The following SAV1 variants were observed in gnomAD, a reference collection of about 807,000 sequenced individuals.
The protein encoded by SAV1 is salvador family WW domain containing protein 1.
A neutral mutation model predicts 47.3 loss-of-function variants in SAV1; 23 were observed. The ratio of observed to expected loss-of-function variants is 0.49; its 90% confidence interval spans 0.35 to 0.69. The LOEUF is 0.69. SAV1 is among the 30% of genes least tolerant of loss of function. The pLI, the probability that SAV1 is intolerant of heterozygous loss-of-function variation, is 0.01. For synonymous variants in SAV1, 155 were observed against 159.2 expected (o/e 0.97, Z 0.20); for missense variants, 448 against 457.4 (o/e 0.98, Z 0.19).
At chr14:50,650,076 A>C (rs1476272012) in intron 2 of SAV1, among the ~76,000 whole-genome samples, 1 of 152,270 alleles carries the variant, frequency 6.6e-6, no homozygotes, top group Non-Finnish European at 1.5e-5. Flanking sequence ...AAGAAACTTT[A>C]AAATTAAGGT....
Position 50,634,228 on chromosome 14 carries a change from T to C in SAV1, c.*955A>G, listed in dbSNP as rs2039612734. 1 of 453,398 alleles carries C rather than the reference T, an allele frequency of 2.2e-6. No homozygotes were observed. The highest frequency in any genetic ancestry group is 4.4e-6 in the Non-Finnish European group (1 of 225,288). The allele number at this position is 453,398 out of a possible 1,614,324, so 28.1% of individuals were successfully genotyped here. The stretch of plus-strand genomic sequence containing the variant: ...CTTTGAGTTTCACGCACCTTCCCAA[T>C]ACAGGCTAAGTATTCCTGCTTATAT... On this transcript the variant is annotated 3_prime_UTR_variant, in exon 5 of 5. Transcript: ENST00000324679.
chr14:50,659,042 C>A (rs549885113), intron 2 of SAV1, among the ~76,000 whole-genome samples: 6 of 151,164 alleles, frequency 4.0e-5, no homozygotes, highest in Admixed American at 1.3e-4. Flanking sequence ...GTCTCTCAAG[C>A]TCTCAAGCAG....
intron 1 of SAV1, 140 bp from the exon 2 acceptor site, chr14:50,665,759 A>G (rs990425830): frequency 4.1e-6 from 3 of 723,938 alleles, no homozygotes; most frequent in East Asian, 5.5e-5. Flanking sequence ...TTGGTTTAGG[A>G]TGGTACTTGG....
At chr14:50,667,430 G>C (rs1368334763) in intron 1 of SAV1, 1 of 456,418 alleles carries the variant, frequency 2.2e-6, no homozygotes, top group Non-Finnish European at 4.4e-6. Context: ...CTGCCCCAGA[G>C]TTCGCACAAC....
At chr14:50,635,773 G>C (rs1359170316) in intron 4 of SAV1, among the ~76,000 whole-genome samples, 19 of 152,266 alleles carry the variant, frequency 1.2e-4, no homozygotes, top group Middle Eastern at 3.4e-3. Context: ...GCAGTGGCGT[G>C]ATCTCAGCTC....
At position 50,637,273 on chromosome 14, in the gene SAV1, T is replaced by C. The variant is rs192596449; in HGVS notation, c.951-1889A>G. Reference sequence around the variant, plus strand: ...GGGAAACTCCAACCACTTGTGAACATAAATTAGAGTGATACTGTAAGAAAT... The same window carrying C: ...GGGAAACTCCAACCACTTGTGAACACAAATTAGAGTGATACTGTAAGAAAT... On this transcript the variant is annotated intron_variant, in intron 4 of 4. Transcript: ENST00000324679. Among the ~76,000 whole-genome samples the C allele has an allele frequency of 1.5e-4, 23 of 152,298 alleles. No individual in the cohort carries two copies. In the East Asian group the frequency reaches 4.0e-3, roughly 27 times the overall value.
Position 50,640,843 on chromosome 14 carries a change from G to C in SAV1, c.857C>G (p.Thr286Ser), listed in dbSNP as rs747083851. The C allele has an allele frequency of 1.9e-6, 3 of 1,613,590 alleles. No homozygotes were observed. Among genetic ancestry groups the C allele is most frequent in the African/African-American group, 2.7e-5 (2 of 74,912 alleles). Reference sequence around the variant, plus strand: ...TACCAGAAGGGACTGATTTCTTTCAGTTTGCTGTGGCTGGTATGTGACAGG... The same window carrying C: ...TACCAGAAGGGACTGATTTCTTTCACTTTGCTGTGGCTGGTATGTGACAGG... ...PPPVTYQPQQ[T>S]ERNQSLLVPA... The change falls in exon 4 of 5, where the codon ACT (threonine) becomes AGT (serine). Residue 286 changes from threonine (T) to serine (S), a missense_variant. Physicochemically the swap from Thr to Ser is moderately conservative, Grantham distance 58. Coordinates refer to ENST00000324679, the MANE Select transcript of SAV1 (RefSeq NM_021818.4).
Position 50,637,286 on chromosome 14 carries a change from T to C in SAV1, c.951-1902A>G, listed in dbSNP as rs1047619289. On this transcript the variant is annotated intron_variant, in intron 4 of 4. Coordinates refer to ENST00000324679, the MANE Select transcript of SAV1 (RefSeq NM_021818.4). ...CACTTGTGAACATAAATTAGAGTGA[T>C]ACTGTAAGAAATACTCAATGAGCCT... is the stretch of plus-strand genomic sequence containing the variant. 3.9e-5 allele frequency among the ~76,000 whole-genome samples: 6 copies of C among 152,200 alleles called. No homozygotes were observed. In the East Asian group the frequency reaches 7.7e-4, roughly 19 times the overall value.
chr14:50,651,618 A>T (rs564062265), intron 2 of SAV1, among the ~76,000 whole-genome samples: 1 of 152,122 alleles, frequency 6.6e-6, no homozygotes, highest in Non-Finnish European at 1.5e-5. Flanking sequence ...AATTTTATGT[A>T]TTACTTATTT....
At chr14:50,648,434 C>CTA (rs1484806650) in intron 2 of SAV1, among the ~76,000 whole-genome samples, 2 of 152,152 alleles carry the variant, frequency 1.3e-5, no homozygotes, top group Non-Finnish European at 2.9e-5. Flanking sequence ...GTTAAATTTA[C>CTA]TATACTTTTT....
At chr14:50,649,862 G>A (rs139430724) in intron 2 of SAV1, among the ~76,000 whole-genome samples, 1 of 152,268 alleles carries the variant, frequency 6.6e-6, no homozygotes, top group East Asian at 1.9e-4. Flanking sequence ...TCTCAGAATG[G>A]TCAAAATAAG....
chr14:50,667,824 A>G, intron 1 of SAV1, 50 bp downstream of exon 1: 2 of 1,493,140 alleles, frequency 1.3e-6, no homozygotes, highest in Middle Eastern at 1.7e-4. Context: ...GGGTCCCCGG[A>G]GCACCTGGCC....
chr14:50,650,071 A>C (rs1157238208), intron 2 of SAV1, among the ~76,000 whole-genome samples: 2 of 152,266 alleles, frequency 1.3e-5, no homozygotes, highest in Non-Finnish European at 2.9e-5. Flanking sequence ...TTTAGAAGAA[A>C]CTTTAAAATT....
intron 1 of SAV1, among the ~76,000 whole-genome samples, chr14:50,667,228 G>T (rs977877783): frequency 1.7e-4 from 26 of 152,030 alleles, no homozygotes; most frequent in Admixed American, 3.3e-4. Flanking sequence ...CTTTTCGAGG[G>T]GGGGGTTCTC....
intron 2 of SAV1, among the ~76,000 whole-genome samples, chr14:50,661,126 ATTTT>A (rs1193438238): frequency 6.6e-6 from 1 of 151,870 alleles, no homozygotes; most frequent in African/African-American, 2.4e-5. Context: ...CCAGTAGTAT[ATTTT>A]TTTGTCTTTT....
Position 50,665,176 on chromosome 14 carries a change from T to A in SAV1, c.535+3A>T, listed in dbSNP as rs1404486057. ...TACTATATTATTTATAATGTTAAGC[T>A]ACCTGAAGCATGCCTCCCCTGATTC... On this transcript the variant is annotated splice_donor_region_variant and intron_variant, in intron 2 of 4. Transcript: ENST00000324679. 6.4e-7 allele frequency: 1 copy of A among 1,550,994 alleles called. No homozygotes were observed. Among genetic ancestry groups the A allele is most frequent in the Non-Finnish European group, 8.7e-7 (1 of 1,153,006 alleles).
At chr14:50,646,344 A>G (rs916034396) in intron 2 of SAV1, among the ~76,000 whole-genome samples, 1 of 152,206 alleles carries the variant, frequency 6.6e-6, no homozygotes, top group Non-Finnish European at 1.5e-5. Context: ...GAGGTAACTG[A>G]AACTGTGGAA....
At chr14:50,657,050 G>T (rs1271866067) in intron 2 of SAV1, among the ~76,000 whole-genome samples, 2 of 140,468 alleles carry the variant, frequency 1.4e-5, no homozygotes, top group Non-Finnish European at 3.0e-5. Context: ...TTTTTGAGAC[G>T]GAGTCTCACG....
chr14:50,649,510 A>G (rs2039749861), intron 2 of SAV1, among the ~76,000 whole-genome samples: 1 of 152,190 alleles, frequency 6.6e-6, no homozygotes, highest in African/African-American at 2.4e-5. Flanking sequence ...ATTTTCCTTG[A>G]TTTTTGGACT....
Sources: allele counts gnomAD v4.1 joint callset (sites outside exome capture counted in the v4.1 genomes callset), GRCh38; gene constraint gnomAD v4.1.1; transcripts MANE v1.5; gene names NCBI Gene and HGNC (gene_info 2026-07-23, HGNC 2026-07-21).